CAPZB: variants seen among roughly 807,000 people sequenced by gnomAD.
CAPZB encodes F-actin-capping protein subunit beta.
Under a neutral mutation model 38.1 loss-of-function variants are expected in CAPZB, and 2 were observed. That is an observed-to-expected ratio of 0.05 (90% CI 0.02 to 0.17). The LOEUF is 0.17. CAPZB is among the 10% of genes least tolerant of loss of function. The pLI is 1.00. For synonymous variants in CAPZB, 107 were observed against 127.4 expected (o/e 0.84, Z 1.08); for missense variants, 161 against 334.2 (o/e 0.48, Z 4.04).
intron 1 of CAPZB, among the ~76,000 whole-genome samples, chr1:19,433,635 G>A (rs2094449237): frequency 6.6e-6 from 1 of 152,178 alleles, no homozygotes; most frequent in African/African-American, 2.4e-5. Flanking sequence ...TGGAAAAAAC[G>A]AAGGCTCCAT....
At chr1:19,458,099 CAAAAA>C (rs58149759) in intron 1 of CAPZB, among the ~76,000 whole-genome samples, 1 of 128,792 alleles carries the variant, frequency 7.8e-6, no homozygotes, top group Non-Finnish European at 1.7e-5. Context: ...AAGGAGTTGC[CAAAAA>C]AAAAAAAAAA....
intron 1 of CAPZB, among the ~76,000 whole-genome samples, chr1:19,479,554 A>G (rs2094620124): frequency 6.6e-6 from 1 of 152,228 alleles, no homozygotes; most frequent in Non-Finnish European, 1.5e-5. Context: ...CCTCAGCTCC[A>G]GAGGTGGTAA....
chr1:19,474,774 C>T (rs3813986), intron 1 of CAPZB, among the ~76,000 whole-genome samples: 6,109 of 152,242 alleles, frequency 0.04, 318 homozygotes, highest in East Asian at 0.19. Context: ...TCTAAAGGCA[C>T]CATACTTTGG....
chr1:19,462,454 T>C (rs1277786031), intron 1 of CAPZB, among the ~76,000 whole-genome samples: 4 of 139,714 alleles, frequency 2.9e-5, no homozygotes, highest in Non-Finnish European at 6.3e-5. Context: ...TGAGACTCCG[T>C]CTCAAAAAAA....
intron 2 of CAPZB, among the ~76,000 whole-genome samples, chr1:19,389,867 T>C (rs1479442495): frequency 2.0e-5 from 3 of 152,242 alleles, no homozygotes; most frequent in Admixed American, 6.5e-5. Context: ...GTAACACTAA[T>C]ATCAACTGAA....
chr1:19,484,748 T>C, intron 1 of CAPZB: 1 of 1,035,206 alleles, frequency 9.7e-7, no homozygotes, highest in Non-Finnish European at 1.2e-6. Context: ...CTGACGCAGG[T>C]TACGCTAGGA....
rs214328 is a variant in CAPZB, at chr1:19,347,596, G to C, written c.589-2344C>G. ...ATACACTATGTGGCACCCTGTAGCA[G>C]TCTCTGCCTGCCCTTGGTCAACTTG... On this transcript the variant is annotated intron_variant, in intron 6 of 8. Transcript: ENST00000264202. 6.9e-3 allele frequency among the ~76,000 whole-genome samples: 1,057 copies of C among 152,314 alleles called. 13 individuals are homozygous for C. Among genetic ancestry groups the C allele is most frequent in the African/African-American group, 0.024 (995 of 41,570 alleles).
At chr1:19,481,378 G>C (rs1338476332) in intron 1 of CAPZB, among the ~76,000 whole-genome samples, 1 of 152,186 alleles carries the variant, frequency 6.6e-6, no homozygotes, top group Non-Finnish European at 1.5e-5. Flanking sequence ...ACAAGATCCT[G>C]TATTTACGGG....
intron 1 of CAPZB, chr1:19,484,563 G>A (rs1478914584): frequency 1.6e-6 from 2 of 1,262,996 alleles, no homozygotes; most frequent in African/African-American, 1.5e-5. Context: ...CTCCCTAGAA[G>A]CGGCAACTGA....
At chr1:19,382,075 C>A (rs1403405184) in intron 3 of CAPZB, among the ~76,000 whole-genome samples, 1 of 151,886 alleles carries the variant, frequency 6.6e-6, no homozygotes, top group African/African-American at 2.4e-5. Context: ...CATCGCCTTC[C>A]TGTAGGCTGG....
rs550802242 is a variant in CAPZB at position 19,432,059 on chromosome 1, A to G, written c.4-12309T>C. Among the ~76,000 whole-genome samples the G allele has an allele frequency of 8.4e-5, 11 of 130,330 alleles. No individual in the cohort carries two copies. The East Asian group carries it at 1.4e-3, about 16-fold the overall frequency. The allele number at this position is 130,330 out of a possible 152,430, so 85.5% of individuals were successfully genotyped here. On this transcript the variant is annotated intron_variant, in intron 1 of 8. Coordinates refer to ENST00000264202, the MANE Select transcript of CAPZB (RefSeq NM_004930.5). The stretch of plus-strand genomic sequence containing the variant: ...TCCTGTCTCAAAAAAAAAAAAAAAA[A>G]AAAAAAGAAAAAAAAAGAAAATACG...
chr1:19,441,363 G>T (rs2094475855), intron 1 of CAPZB, among the ~76,000 whole-genome samples: 1 of 152,172 alleles, frequency 6.6e-6, no homozygotes, highest in South Asian at 2.1e-4. Flanking sequence ...GTGTACTCAG[G>T]AACACTGCAT....
chr1:19,442,985 T>C (rs1303105482), intron 1 of CAPZB, among the ~76,000 whole-genome samples: 1 of 152,182 alleles, frequency 6.6e-6, no homozygotes, highest in East Asian at 1.9e-4. Flanking sequence ...AGTGAACACG[T>C]AGATGTCTAT....
chr1:19,367,718 T>C (rs1465904825), intron 4 of CAPZB, among the ~76,000 whole-genome samples: 2 of 152,226 alleles, frequency 1.3e-5, no homozygotes, highest in African/African-American at 4.8e-5. Context: ...AGCTTAGGCA[T>C]GTGCGACTTT....
chr1:19,433,192 G>C (rs1419531458), intron 1 of CAPZB, among the ~76,000 whole-genome samples: 2 of 152,150 alleles, frequency 1.3e-5, no homozygotes, highest in Admixed American at 1.3e-4. Context: ...TTTGTCAACT[G>C]GCAGTTAGAC....
At chr1:19,344,480 T>G (rs1333624042) in intron 7 of CAPZB, 46 bp from the exon 8 acceptor site, 2 of 1,454,078 alleles carry the variant, frequency 1.4e-6, no homozygotes, top group Non-Finnish European at 1.9e-6. Context: ...TCAGGAACCC[T>G]GAGGCCCACG....
chr1:19,351,075 C>T (rs913563418), intron 6 of CAPZB, among the ~76,000 whole-genome samples: 10 of 151,226 alleles, frequency 6.6e-5, no homozygotes, highest in Admixed American at 2.6e-4. Context: ...CTCTGCCTCC[C>T]GGGTTCAAGT....
At chr1:19,451,586 TGA>T (rs2100698217) in intron 1 of CAPZB, among the ~76,000 whole-genome samples, 1 of 152,060 alleles carries the variant, frequency 6.6e-6, no homozygotes, top group East Asian at 1.9e-4. Context: ...CAGACAAAAC[TGA>T]GAGGGAGACG....
At chr1:19,375,625 G>A (rs956529957) in intron 4 of CAPZB, among the ~76,000 whole-genome samples, 1 of 152,344 alleles carries the variant, frequency 6.6e-6, no homozygotes, top group Non-Finnish European at 1.5e-5. Context: ...ACTCCCCCGA[G>A]TCAGTTTACC....
Sources: gnomAD v4.1 joint callset for allele counts (sites outside exome capture counted in the v4.1 genomes callset) on GRCh38, gnomAD v4.1.1 for gene constraint, MANE v1.5 for transcripts, NCBI Gene and HGNC (gene_info 2026-07-23, HGNC 2026-07-21) for gene names.